IQGAP2: variants seen among roughly 807,000 people sequenced by gnomAD.
IQGAP2 encodes the protein IQ motif containing GTPase activating protein 2, also known as ras GTPase-activating-like protein IQGAP2.
Under a neutral mutation model 201.3 loss-of-function variants are expected in IQGAP2, and 173 were observed. The observed-to-expected ratio is 0.86, with a 90% CI of 0.76 to 0.98. IQGAP2 has a LOEUF of 0.98. Among genes scored for constraint, IQGAP2 ranks in the 50% least tolerant of loss-of-function variants. IQGAP2 has a pLI of 0.00. For synonymous variants in IQGAP2, 675 were observed against 673.9 expected (o/e 1.00, Z -0.03); for missense variants, 1,687 against 1,864.8 (o/e 0.90, Z 1.76).
Position 76,640,989 on chromosome 5 carries a change from A to T in IQGAP2, c.1980A>T (p.Ser660=). Residue 660 remains serine, a synonymous_variant, in exon 17 of 36, where the codon TCA becomes TCT. Transcript: ENST00000274364. ...TTCGTGAGAATATATGGTCTGCTTC[A>T]GAAGAGTTGCTTCTTCGCTTTCAAG... is the stretch of plus-strand genomic sequence containing the variant. ...GYIRENIWSA[S]EELLLRFQAT... is the part of the protein sequence containing the mutation. 6.2e-7 allele frequency: 1 copy of T among 1,610,238 alleles called. No homozygotes were observed.
chr5:76,613,654 A>G (rs570075138), intron 13 of IQGAP2, among the ~76,000 whole-genome samples: 40 of 152,242 alleles, frequency 2.6e-4, no homozygotes, highest in African/African-American at 9.6e-4. Flanking sequence ...GTGGGCACCT[A>G]TGGTTGCCTC....
rs140540224 is a variant in IQGAP2 at position 76,565,052 on chromosome 5, T to C, written c.303+2500T>C. Among the ~76,000 whole-genome samples the C allele has an allele frequency of 6.0e-4, 92 of 152,352 alleles. 1 individual carries two copies. The East Asian group carries it at 0.014, about 23-fold the overall frequency. On this transcript the variant is annotated intron_variant, in intron 3 of 35. Transcript: ENST00000274364. Reference sequence around the variant, plus strand: ...CTTTGAGTGATTTGCCATGTAATCATAAAATCTTATTTTAGCGCCTTTTCA... The same window carrying C: ...CTTTGAGTGATTTGCCATGTAATCACAAAATCTTATTTTAGCGCCTTTTCA...
chr5:76,409,792 T>C (rs11747990), intron 1 of IQGAP2, among the ~76,000 whole-genome samples: 65,886 of 152,100 alleles, frequency 0.43, 15,061 homozygotes, highest in Non-Finnish European at 0.5. Context: ...AGCCGACCTG[T>C]GAGCTGATAC....
intron 13 of IQGAP2, among the ~76,000 whole-genome samples, chr5:76,619,699 T>A (rs943941553): frequency 6.6e-6 from 1 of 151,976 alleles, no homozygotes; most frequent in Non-Finnish European, 1.5e-5. Context: ...TGTATTTTTT[T>A]AGTAGAGACA....
At chr5:76,525,027 C>A (rs190820833) in intron 2 of IQGAP2, among the ~76,000 whole-genome samples, 4 of 152,168 alleles carry the variant, frequency 2.6e-5, no homozygotes, top group African/African-American at 9.6e-5. Flanking sequence ...ATTATGCATG[C>A]GAGTCTGGTG....
At chr5:76,617,989 G>T (rs1749163595) in intron 13 of IQGAP2, 1 of 1,614,138 alleles carries the variant, frequency 6.2e-7, no homozygotes, top group East Asian at 2.2e-5. Context: ...GTGATGTCTG[G>T]CTGAACAAGA....
At chr5:76,653,885 C>T (rs76513628) in intron 18 of IQGAP2, among the ~76,000 whole-genome samples, 2,817 of 152,290 alleles carry the variant, frequency 0.018, 76 homozygotes, top group African/African-American at 0.063. Context: ...CAGCAAAACG[C>T]TTCACCCTTC....
intron 1 of IQGAP2, among the ~76,000 whole-genome samples, chr5:76,413,144 CTTTTCTTTTCTCTTTTTTTTTTTTT>C (rs1194399513): frequency 2.8e-5 from 3 of 107,040 alleles, no homozygotes; most frequent in East Asian, 2.6e-4. Flanking sequence ...TTTCTTTTTT[CTTTTCTTTTCTCTTTTTTTTTTTTT>C]TTTTTTTTTT....
chr5:76,684,818 T>G (rs573948191), intron 30 of IQGAP2, among the ~76,000 whole-genome samples: 224 of 152,330 alleles, frequency 1.5e-3, no homozygotes, highest in Non-Finnish European at 2.5e-3. Flanking sequence ...GAAGTGTGAA[T>G]GAAGACAGCA....
intron 13 of IQGAP2, among the ~76,000 whole-genome samples, chr5:76,612,858 A>T (rs1748530570): frequency 2.0e-5 from 3 of 151,990 alleles, no homozygotes. Context: ...TTTATTCTTC[A>T]CTCCGTTTTT....
chr5:76,662,851 G>T (rs945423973), intron 21 of IQGAP2, among the ~76,000 whole-genome samples: 20 of 152,178 alleles, frequency 1.3e-4, no homozygotes, highest in African/African-American at 4.8e-4. Flanking sequence ...TTATCGGAAT[G>T]TAAATCAACT....
At chr5:76,564,526 T>C (rs1014047554) in intron 3 of IQGAP2, among the ~76,000 whole-genome samples, 3 of 152,238 alleles carry the variant, frequency 2.0e-5, no homozygotes, top group Non-Finnish European at 2.9e-5. Flanking sequence ...CCTGGAATGT[T>C]GTATACCTTG....
chr5:76,537,420 A>G (rs902019893), intron 2 of IQGAP2, among the ~76,000 whole-genome samples: 4 of 152,096 alleles, frequency 2.6e-5, no homozygotes, highest in African/African-American at 9.7e-5. Context: ...TTGACATTAA[A>G]CACTGCAAAA....
intron 31 of IQGAP2, chr5:76,693,841 G>A (rs1746491768): frequency 6.4e-6 from 1 of 156,976 alleles, no homozygotes; most frequent in South Asian, 1.9e-4. Context: ...TGTTAAAGAT[G>A]TTTTCCAAAT....
intron 21 of IQGAP2, chr5:76,660,347 T>G (rs1580749144): frequency 6.6e-6 from 1 of 152,382 alleles, no homozygotes. Context: ...TCTACTTTTA[T>G]TATTTTATCC....
At chr5:76,699,744 A>T (rs1404120992) in intron 33 of IQGAP2, among the ~76,000 whole-genome samples, 184 of 13,472 alleles carry the variant, frequency 0.014, 2 homozygotes, top group African/African-American at 0.02. Flanking sequence ...TCTCACTCTC[A>T]CTCTCGTGCT....
At chr5:76,705,482 G>A (rs1747795194) in intron 35 of IQGAP2, among the ~76,000 whole-genome samples, 1 of 152,092 alleles carries the variant, frequency 6.6e-6, no homozygotes, top group South Asian at 2.1e-4. Flanking sequence ...CCCTACTTTG[G>A]GGACCCAGCT....
intron 21 of IQGAP2, 33 bp from the exon 22 acceptor site, chr5:76,664,993 T>TA (rs11449450): frequency 0.63 from 777,646 of 1,233,790 alleles, 249,613 homozygotes; most frequent in Non-Finnish European, 0.66. Context: ...GTATGAGAAT[T>TA]AAAAAGGAGT....
chr5:76,666,609 T>C (rs1743777176), intron 22 of IQGAP2, among the ~76,000 whole-genome samples: 2 of 152,236 alleles, frequency 1.3e-5, no homozygotes, highest in African/African-American at 4.8e-5. Context: ...TTCAGTTGTA[T>C]CAAGTGAACT....
Sources: allele counts gnomAD v4.1 joint callset (sites outside exome capture counted in the v4.1 genomes callset), GRCh38; gene constraint gnomAD v4.1.1; transcripts MANE v1.5; gene names NCBI Gene and HGNC (gene_info 2026-07-23, HGNC 2026-07-21).